Variants in FAM227B observed in about 807,000 individuals in gnomAD.
FAM227B encodes the protein family with sequence similarity 227 member B.
A neutral mutation model predicts 73.8 loss-of-function variants in FAM227B; 88 were observed. The observed-to-expected ratio is 1.19, with a 90% confidence interval of 1.00 to 1.42. The LOEUF (loss-of-function observed/expected upper bound fraction) is 1.42, where lower values mean the gene tolerates loss of function less well. Ranked by LOEUF, FAM227B falls within the 40% of genes most tolerant of loss-of-function variation. FAM227B has a pLI of 0.00. For missense variants in FAM227B, 632 were observed against 590.9 expected (o/e 1.07, Z -0.72); for synonymous variants, 210 against 190.5 (o/e 1.10, Z -0.84).
chr15:49,409,133 G>A (rs2048711081), intron 11 of FAM227B, among the ~76,000 whole-genome samples: 1 of 152,102 alleles, frequency 6.6e-6, no homozygotes, highest in East Asian at 1.9e-4. Flanking sequence ...AGAGTCCTCT[G>A]GAGATGAGTA....
At chr15:49,509,567 TAA>T (rs2058829114) in intron 10 of FAM227B, among the ~76,000 whole-genome samples, 1 of 138,568 alleles carries the variant, frequency 7.2e-6, no homozygotes, top group African/African-American at 2.6e-5. Context: ...GCACTTAATA[TAA>T]GTTACTTTCA....
intron 13 of FAM227B, among the ~76,000 whole-genome samples, chr15:49,335,724 A>ACT (rs1395047304): frequency 3.3e-5 from 5 of 152,374 alleles, no homozygotes; most frequent in African/African-American, 1.2e-4. Context: ...ACCATAGGGC[A>ACT]CTATGATTTA....
chr15:49,554,180 A>G (rs2073376585), intron 9 of FAM227B, among the ~76,000 whole-genome samples: 1 of 151,870 alleles, frequency 6.6e-6, no homozygotes, highest in East Asian at 1.9e-4. Flanking sequence ...ATGCAAGTCA[A>G]AGTCCTCCCC....
chr15:49,519,399 C>G (rs1244391923), intron 10 of FAM227B, among the ~76,000 whole-genome samples: 2 of 152,200 alleles, frequency 1.3e-5, no homozygotes, highest in East Asian at 3.9e-4. Context: ...CCCACATTTC[C>G]CTTTCACACT....
intron 13 of FAM227B, among the ~76,000 whole-genome samples, 194 bp downstream of exon 13, chr15:49,367,254 A>C (rs1193724543): frequency 6.6e-6 from 1 of 152,206 alleles, no homozygotes; most frequent in Non-Finnish European, 1.5e-5. Flanking sequence ...TTACATGCAA[A>C]ATCATAGCAT....
chr15:49,416,772 GACAC>G (rs5812484), intron 11 of FAM227B, among the ~76,000 whole-genome samples: 25,809 of 149,802 alleles, frequency 0.17, 2,421 homozygotes, highest in Non-Finnish European at 0.21. Context: ...CACACACATA[GACAC>G]ACACACACAC....
At chr15:49,538,737 T>C (rs758299620) in intron 10 of FAM227B, among the ~76,000 whole-genome samples, 9 of 152,032 alleles carry the variant, frequency 5.9e-5, no homozygotes, top group African/African-American at 9.7e-5. Flanking sequence ...AAGTCTGCTG[T>C]TGACACTGTC....
intron 10 of FAM227B, among the ~76,000 whole-genome samples, chr15:49,541,047 A>G (rs143385217): frequency 1.4e-3 from 220 of 152,304 alleles, no homozygotes; most frequent in African/African-American, 5.2e-3. Context: ...TGAAATATTT[A>G]CAAGAACTAT....
intron 11 of FAM227B, among the ~76,000 whole-genome samples, chr15:49,459,911 A>G (rs1220474912): frequency 6.6e-6 from 1 of 152,200 alleles, no homozygotes; most frequent in Non-Finnish European, 1.5e-5. Context: ...AAATGGGCAA[A>G]TGCCACACAT....
intron 2 of FAM227B, among the ~76,000 whole-genome samples, chr15:49,612,263 C>A (rs555735394): frequency 3.9e-4 from 60 of 152,238 alleles, no homozygotes; most frequent in Non-Finnish European, 7.4e-4. Flanking sequence ...CCACAACAGG[C>A]CCCAGTGTGT....
At position 49,544,650 on chromosome 15, in the gene FAM227B, G is replaced by C. The variant is rs189637429; in HGVS notation, c.748-2844C>G. ...TAATGTTGGCTGTGTATTTGTCATAGATGGCTTTATTACCCTGAGGTATGT... is the reference window on the plus strand; with the variant it reads ...TAATGTTGGCTGTGTATTTGTCATACATGGCTTTATTACCCTGAGGTATGT... On this transcript the variant is annotated intron_variant, in intron 9 of 15. Coordinates refer to ENST00000299338, the MANE Select transcript of FAM227B (RefSeq NM_152647.3). Among the ~76,000 whole-genome samples the C allele has an allele frequency of 6.6e-5, 10 of 152,258 alleles. No homozygotes were observed. In the East Asian group the frequency reaches 1.7e-3, roughly 26 times the overall value.
intron 11 of FAM227B, chr15:49,488,920 T>TC (rs2056637669): frequency 6.6e-6 from 1 of 151,910 alleles, no homozygotes; most frequent in Non-Finnish European, 1.5e-5. Flanking sequence ...CAGAAAGGGA[T>TC]CCACCTTAGA....
intron 11 of FAM227B, among the ~76,000 whole-genome samples, chr15:49,395,553 G>A (rs2047522859): frequency 6.6e-6 from 1 of 152,198 alleles, no homozygotes. Flanking sequence ...TACTATGGAA[G>A]AGATGAACCA....
At chr15:49,598,594 G>A (rs971163421) in intron 3 of FAM227B, among the ~76,000 whole-genome samples, 3 of 151,880 alleles carry the variant, frequency 2.0e-5, no homozygotes, top group Non-Finnish European at 2.9e-5. Context: ...TTTCATATAC[G>A]GTCCTTATAA....
At chr15:49,421,052 A>C (rs1339546684) in intron 11 of FAM227B, among the ~76,000 whole-genome samples, 1 of 152,152 alleles carries the variant, frequency 6.6e-6, no homozygotes, top group Non-Finnish European at 1.5e-5. Flanking sequence ...AAGAAAATTC[A>C]ATCTACAAAT....
chr15:49,424,219 T>C (rs961744990), intron 11 of FAM227B: 3 of 1,278,970 alleles, frequency 2.3e-6, no homozygotes, highest in Non-Finnish European at 3.3e-6. Context: ...TAGGAAGAGG[T>C]CAATGACCTA....
intron 10 of FAM227B, among the ~76,000 whole-genome samples, chr15:49,532,971 TA>T (rs1208311059): frequency 6.6e-6 from 1 of 151,982 alleles, no homozygotes; most frequent in East Asian, 1.9e-4. Flanking sequence ...TAAAACTCCC[TA>T]AACTTTTTAT....
intron 6 of FAM227B, 198 bp from the exon 7 acceptor site, chr15:49,577,043 TCCCA>T (rs1433989327): frequency 2.1e-6 from 1 of 465,748 alleles, no homozygotes; most frequent in Non-Finnish European, 3.8e-6. Flanking sequence ...ACGCCTGTAA[TCCCA>T]CCACACTGGG....
intron 4 of FAM227B, 135 bp downstream of exon 4, chr15:49,589,641 A>G: frequency 3.2e-6 from 2 of 621,836 alleles, no homozygotes; most frequent in Non-Finnish European, 2.9e-6. Flanking sequence ...GGCCAGGTGC[A>G]CTGGCTTATG....
Sources: allele counts gnomAD v4.1 joint callset (sites outside exome capture counted in the v4.1 genomes callset), GRCh38; gene constraint gnomAD v4.1.1; transcripts MANE v1.5; gene names NCBI Gene and HGNC (gene_info 2026-07-23, HGNC 2026-07-21).